The following PAG1 variants were observed in gnomAD, a reference collection of about 807,000 sequenced individuals.
The protein encoded by PAG1 is phosphoprotein associated with glycosphingolipid-enriched microdomains 1.
A neutral mutation model predicts 31.7 loss-of-function variants in PAG1; 23 were observed. That is an observed-to-expected ratio of 0.73 (90% CI 0.52 to 1.03). PAG1 has a LOEUF of 1.03. Ranked by LOEUF, PAG1 falls within the 50% of genes least tolerant of loss-of-function variation. PAG1 has a pLI of 0.00. For synonymous variants in PAG1, 214 were observed against 210.3 expected, an observed-to-expected ratio of 1.02 and a Z score of -0.15; for missense variants, 473 against 540.7, an observed-to-expected ratio of 0.87 and a Z score of 1.24.
intron 2 of PAG1, among the ~76,000 whole-genome samples, chr8:81,051,258 T>C (rs747446647): frequency 3.9e-5 from 6 of 152,124 alleles, no homozygotes; most frequent in Non-Finnish European, 5.9e-5. Context: ...AATAGAAAAA[T>C]GAGAACAGAG....
chr8:81,047,527 A>G lies in PAG1; in HGVS notation c.-174-17438T>C, dbSNP rs531251009. On this transcript the variant is annotated intron_variant, in intron 2 of 8. Coordinates refer to ENST00000220597, the MANE Select transcript of PAG1 (RefSeq NM_018440.4). ...TCTTTATTTTGGAGGAATGTATACAATAATCACTTAAACAGAAACAGAAGC... is the reference window on the plus strand; with the variant it reads ...TCTTTATTTTGGAGGAATGTATACAGTAATCACTTAAACAGAAACAGAAGC... Among the ~76,000 whole-genome samples, 10 of 152,310 alleles carry G rather than the reference A, an allele frequency of 6.6e-5. No homozygotes were observed. In the East Asian group the frequency reaches 1.5e-3, roughly 23 times the overall value.
At chr8:80,998,077 T>C (rs966432623) in intron 3 of PAG1, among the ~76,000 whole-genome samples, 1 of 151,906 alleles carries the variant, frequency 6.6e-6, no homozygotes, top group South Asian at 2.1e-4. Context: ...AATGCATAAG[T>C]GATTTAATCA....
chr8:81,024,536 A>G (rs1386952816), intron 3 of PAG1, among the ~76,000 whole-genome samples: 4 of 152,226 alleles, frequency 2.6e-5, no homozygotes. Context: ...GTATGTATCC[A>G]CAAGACCTAT....
chr8:81,056,024 C>T (rs1808816822), intron 2 of PAG1, among the ~76,000 whole-genome samples: 1 of 152,144 alleles, frequency 6.6e-6, no homozygotes, highest in East Asian at 1.9e-4. Context: ...GAGGGCATCC[C>T]TGTCTTGTGC....
At chr8:81,108,576 G>A (rs1477104449) in intron 1 of PAG1, among the ~76,000 whole-genome samples, 1 of 151,728 alleles carries the variant, frequency 6.6e-6, no homozygotes, top group Non-Finnish European at 1.5e-5. Flanking sequence ...TGGTCTATGT[G>A]CCCTATACGG....
chr8:81,110,656 C>T (rs542280380), intron 1 of PAG1, among the ~76,000 whole-genome samples: 54 of 152,184 alleles, frequency 3.5e-4, no homozygotes, highest in Non-Finnish European at 7.2e-4. Flanking sequence ...GTTCAAAAAG[C>T]GGTCCTCTGC....
At chr8:81,009,515 T>C (rs1197201268) in intron 3 of PAG1, among the ~76,000 whole-genome samples, 1 of 152,206 alleles carries the variant, frequency 6.6e-6, no homozygotes, top group Non-Finnish European at 1.5e-5. Flanking sequence ...GATGATAAGA[T>C]ATGAGATATA....
intron 1 of PAG1, among the ~76,000 whole-genome samples, chr8:81,110,939 T>C (rs1809763678): frequency 1.3e-5 from 2 of 152,252 alleles, no homozygotes; most frequent in Admixed American, 6.5e-5. Flanking sequence ...GAGGCTTACA[T>C]AAGAGGTGCA....
In PAG1 at chr8:80,968,670, C is replaced by T. The variant is rs937335783; in HGVS notation, c.*7874G>A. ...AGTTAAAACAAAGTAGATGTCTTTA[C>T]AAGAAATATATTTGAAAAAATGCTT... On this transcript the variant is annotated 3_prime_UTR_variant, in exon 9 of 9. Coordinates refer to ENST00000220597, the MANE Select transcript of PAG1 (RefSeq NM_018440.4). The T allele has an allele frequency of 6.6e-6, 1 of 152,066 alleles. No individual in the cohort carries two copies. The highest frequency in any genetic ancestry group is 6.6e-5 in the Admixed American group (1 of 15,250). The allele number at this position is 152,066 out of a possible 1,614,324, so 9.4% of individuals were successfully genotyped here. A position where few individuals can be genotyped will look rare whatever the true frequency, so the allele number is the denominator to read the frequency against.
chr8:80,993,315 G>C lies in PAG1; in HGVS notation c.-80-8C>G, dbSNP rs181216031. 7.5e-7 allele frequency: 1 copy of C among 1,339,750 alleles called. No individual in the cohort carries two copies. 83.0% of individuals were successfully genotyped at this position (1,339,750 alleles called of 1,614,324 possible). Reference sequence around the variant, plus strand: ...GAGGCAGAGAGCTGTGTCCTGCAAAGAGACCAGTGCGTTTGGAGAGTAATT... The same window carrying C: ...GAGGCAGAGAGCTGTGTCCTGCAAACAGACCAGTGCGTTTGGAGAGTAATT... On this transcript the variant is annotated splice_polypyrimidine_tract_variant and splice_region_variant and intron_variant, in intron 3 of 8. Coordinates refer to ENST00000220597, the MANE Select transcript of PAG1 (RefSeq NM_018440.4).
intron 3 of PAG1, among the ~76,000 whole-genome samples, chr8:81,005,360 C>G (rs1807856965): frequency 6.6e-6 from 1 of 152,120 alleles, no homozygotes. Flanking sequence ...CCTCCATTCT[C>G]CAATTTAGGG....
At chr8:81,097,710 TAAA>T (rs35355222) in intron 1 of PAG1, among the ~76,000 whole-genome samples, 1 of 145,328 alleles carries the variant, frequency 6.9e-6, no homozygotes, top group Admixed American at 6.8e-5. Context: ...TTAAGAACTT[TAAA>T]AAAAAAAAAA....
chr8:81,045,803 A>G (rs1286331004), intron 2 of PAG1, among the ~76,000 whole-genome samples: 1 of 152,254 alleles, frequency 6.6e-6, no homozygotes, highest in Non-Finnish European at 1.5e-5. Flanking sequence ...GCAAACATCC[A>G]CACAGACAAA....
rs530636408 is a variant in PAG1, at chr8:80,989,405, G to C, written c.178-1939C>G. Among the ~76,000 whole-genome samples the C allele has an allele frequency of 1.4e-4, 21 of 152,288 alleles. No individual in the cohort carries two copies. The East Asian group carries it at 4.1e-3, about 29-fold the overall frequency. ...ACTCTAACTACTATTCCTAATCTTT[G>C]CTTCTATGAGATGAAGAATCCGCAA... On this transcript the variant is annotated intron_variant, in intron 5 of 8. Coordinates refer to ENST00000220597, the MANE Select transcript of PAG1 (RefSeq NM_018440.4).
At chr8:81,025,165 T>TC (rs1554602832) in intron 3 of PAG1, among the ~76,000 whole-genome samples, 1 of 152,022 alleles carries the variant, frequency 6.6e-6, no homozygotes, top group African/African-American at 2.4e-5. Flanking sequence ...TTTTTTTTTT[T>TC]ACCTCTCCTT....
intron 2 of PAG1, among the ~76,000 whole-genome samples, chr8:81,064,489 A>G (rs868145885): frequency 6.6e-6 from 1 of 152,228 alleles, no homozygotes; most frequent in Non-Finnish European, 1.5e-5. Flanking sequence ...TAATGCTAAA[A>G]GAGCAAAAAC....
At chr8:81,059,926 G>T (rs1212001890) in intron 2 of PAG1, among the ~76,000 whole-genome samples, 1 of 151,926 alleles carries the variant, frequency 6.6e-6, no homozygotes, top group Non-Finnish European at 1.5e-5. Flanking sequence ...GCTGAGGTAG[G>T]AAGATTGCTT....
rs535575001 is a variant in PAG1, at chr8:81,097,614, G to A, written c.-234+13977C>T. On this transcript the variant is annotated intron_variant, in intron 1 of 8. Transcript: ENST00000220597. ...TCTGTGGGTAGGAAAGGCGAGGTTC[G>A]TAATTTCACAACCAAATGGCAATGA... is the stretch of plus-strand genomic sequence containing the variant. Among the ~76,000 whole-genome samples the A allele has an allele frequency of 5.9e-5, 9 of 151,852 alleles. No homozygotes were observed. In the South Asian group the frequency reaches 1.9e-3, roughly 32 times the overall value.
chr8:80,976,465 T>C lies in PAG1; in HGVS notation c.*79A>G. ...CTAAAGCAGCATATGAAGTATAGGTTTGTGTCACTTCTTCTCTTCCACAGA... is the reference window on the plus strand; with the variant it reads ...CTAAAGCAGCATATGAAGTATAGGTCTGTGTCACTTCTTCTCTTCCACAGA... On this transcript the variant is annotated 3_prime_UTR_variant, in exon 9 of 9. Transcript: ENST00000220597. The C allele has an allele frequency of 8.6e-6, 12 of 1,395,356 alleles. No individual in the cohort carries two copies. In the South Asian group the frequency reaches 1.7e-4, roughly 19 times the overall value. The allele number at this position is 1,395,356 out of a possible 1,614,324, so 86.4% of individuals were successfully genotyped here.
Sources: gnomAD v4.1 joint callset for allele counts (sites outside exome capture counted in the v4.1 genomes callset) on GRCh38, gnomAD v4.1.1 for gene constraint, MANE v1.5 for transcripts, NCBI Gene and HGNC (gene_info 2026-07-23, HGNC 2026-07-21) for gene names.